Variants in TSEN2 observed in about 807,000 individuals in gnomAD.
The protein encoded by TSEN2 is tRNA splicing endonuclease subunit 2.
Under a neutral mutation model 59.2 loss-of-function variants are expected in TSEN2, and 54 were observed. The observed-to-expected ratio is 0.91, with a 90% CI of 0.73 to 1.14. The LOEUF is 1.14. Among genes scored for constraint, TSEN2 ranks in the 50% most tolerant of loss-of-function variants. TSEN2 has a pLI of 0.00. For synonymous variants in TSEN2, 195 were observed against 198.2 expected (o/e 0.98, Z 0.14); for missense variants, 636 against 576.2 (o/e 1.10, Z -1.06).
intron 6 of TSEN2, 95 bp from the exon 7 acceptor site, chr3:12,516,516 T>C: frequency 9.3e-7 from 1 of 1,070,848 alleles, no homozygotes. Flanking sequence ...TTAAGAGCAT[T>C]TGTATTTGAG....
rs551645881 is a variant in TSEN2, at chr3:12,519,933, C to G, written c.1099+736C>G. On this transcript the variant is annotated intron_variant, in intron 8 of 11. Coordinates refer to ENST00000284995, the MANE Select transcript of TSEN2 (RefSeq NM_025265.4). The stretch of plus-strand genomic sequence containing the variant: ...CACTTGCCATGTGCCAAGCATTTTA[C>G]TAAGTATTTTACATTCATCATCTTG... Among the ~76,000 whole-genome samples, 151 of 152,256 alleles carry G rather than the reference C, an allele frequency of 9.9e-4. 3 individuals are homozygous for G. In the South Asian group the frequency reaches 0.03, roughly 30 times the overall value.
rs1444425703 is a variant in TSEN2 at position 12,489,767 on chromosome 3, T to C, written c.-17-17T>C. 1 of 1,603,578 alleles carries C rather than the reference T, an allele frequency of 6.2e-7. No individual in the cohort carries two copies. Among genetic ancestry groups the C allele is most frequent in the Non-Finnish European group, 8.5e-7 (1 of 1,175,842 alleles). On this transcript the variant is annotated splice_polypyrimidine_tract_variant and intron_variant, in intron 1 of 11. Coordinates refer to ENST00000284995, the MANE Select transcript of TSEN2 (RefSeq NM_025265.4). ...TTGATTGTCTGTTTCTTTCTGTTTG[T>C]TGTCTACTCTTTAAAGAATACCTCC...
upstream of TSEN2, among the ~76,000 whole-genome samples, chr3:12,480,494 A>C (rs1285341290): frequency 1.4e-5 from 2 of 146,722 alleles, no homozygotes; most frequent in Non-Finnish European, 3.0e-5. Context: ...TTCAGTACTG[A>C]ATGTTGTGTG....
chr3:12,531,206 C>G (rs1334572828), intron 10 of TSEN2: 1 of 128,062 alleles, frequency 7.8e-6, no homozygotes, highest in Admixed American at 1.1e-4. Flanking sequence ...GTGGGAACTA[C>G]AAGATGAGAT....
chr3:12,531,800 C>G lies in TSEN2; in HGVS notation c.1338+141C>G. 5.9e-6 allele frequency: 4 copies of G among 679,468 alleles called. No individual in the cohort carries two copies. The South Asian group carries it at 6.5e-5, about 11-fold the overall frequency. The allele number at this position is 679,468 out of a possible 1,614,324, so 42.1% of individuals were successfully genotyped here. ...TTCTCAGGCAGGCTCTTAAGTCTCT[C>G]ACCTTTTCCCCATTGAACCCATTGG... On this transcript the variant is annotated intron_variant, in intron 11 of 11. Coordinates refer to ENST00000284995, the MANE Select transcript of TSEN2 (RefSeq NM_025265.4).
intron 8 of TSEN2, among the ~76,000 whole-genome samples, chr3:12,524,286 T>C (rs972529425): frequency 2.1e-4 from 32 of 152,202 alleles, no homozygotes; most frequent in African/African-American, 7.7e-4. Context: ...ACCTTTTAGT[T>C]TCCTAGGGCT....
At position 12,532,678 on chromosome 3, in the gene TSEN2, G is replaced by T; in HGVS notation, c.1355G>T (p.Arg452Leu). 1.2e-6 allele frequency: 2 copies of T among 1,614,088 alleles called. No individual in the cohort carries two copies. Among genetic ancestry groups the T allele is most frequent in the Non-Finnish European group, 1.7e-6 (2 of 1,180,012 alleles). ...RIKVQEVILS[R>L]WVSSRERSDQ... Reference sequence around the variant, plus strand: ...TGGTTGTAGGAGGTGATTCTGAGTCGATGGGTTTCTTCACGAGAGAGGAGT... The same window carrying T: ...TGGTTGTAGGAGGTGATTCTGAGTCTATGGGTTTCTTCACGAGAGAGGAGT... Residue 452 changes from arginine (R) to leucine (L), a missense_variant, in exon 12 of 12, where the codon CGA becomes CTA. Coordinates refer to ENST00000284995, the MANE Select transcript of TSEN2 (RefSeq NM_025265.4).
At chr3:12,502,771 AG>A (rs2054426715) in intron 4 of TSEN2, among the ~76,000 whole-genome samples, 1 of 151,256 alleles carries the variant, frequency 6.6e-6, no homozygotes, top group South Asian at 2.1e-4. Context: ...TGCTTGTTGC[AG>A]AACACTTAGA....
chr3:12,534,409 T>G (rs2057620985), downstream of TSEN2, among the ~76,000 whole-genome samples: 1 of 152,178 alleles, frequency 6.6e-6, no homozygotes, highest in African/African-American at 2.4e-5. Context: ...AAATCTCAGC[T>G]CTGCTTCCCT....
At chr3:12,508,501 A>G (rs2055076519) in intron 6 of TSEN2, among the ~76,000 whole-genome samples, 1 of 152,198 alleles carries the variant, frequency 6.6e-6, no homozygotes, top group Non-Finnish European at 1.5e-5. Flanking sequence ...TCAGGAACAC[A>G]GGCAGAATGG....
downstream of TSEN2, among the ~76,000 whole-genome samples, chr3:12,536,187 T>G (rs1365430825): frequency 6.6e-6 from 1 of 152,092 alleles, no homozygotes. Context: ...CAGAGGAGAT[T>G]GGGAGGAGAG....
At chr3:12,517,902 C>T (rs2125152244) in intron 7 of TSEN2, among the ~76,000 whole-genome samples, 1 of 151,006 alleles carries the variant, frequency 6.6e-6, no homozygotes, top group Middle Eastern at 3.4e-3. Flanking sequence ...GTCACAAGGT[C>T]ACACAGGTAT....
chr3:12,480,516 TTTTG>T (rs2052178709), upstream of TSEN2, among the ~76,000 whole-genome samples: 2 of 149,040 alleles, frequency 1.3e-5, no homozygotes, highest in Non-Finnish European at 1.5e-5. Context: ...TTTTTGTTTG[TTTTG>T]TTTCTTTGTT....
chr3:12,509,863 T>C (rs1417172176), intron 6 of TSEN2, among the ~76,000 whole-genome samples: 4 of 152,192 alleles, frequency 2.6e-5, no homozygotes, highest in East Asian at 1.9e-4. Flanking sequence ...TGCCTTTCCA[T>C]ATTGGCATGT....
chr3:12,521,115 A>G (rs2125178537), intron 8 of TSEN2, among the ~76,000 whole-genome samples: 1 of 152,314 alleles, frequency 6.6e-6, no homozygotes, highest in Non-Finnish European at 1.5e-5. Flanking sequence ...AAAAGACACG[A>G]TCTTGTCCAT....
intron 8 of TSEN2, 44 bp from the exon 9 acceptor site, chr3:12,528,841 CATT>C: frequency 6.2e-7 from 1 of 1,605,208 alleles, no homozygotes; most frequent in South Asian, 1.1e-5. Context: ...ACTCCTCTCT[CATT>C]ATTTTGAGTG....
chr3:12,532,011 GCTTCTGTATTGAACCAAGGCGC>G (rs936221684), intron 11 of TSEN2, among the ~76,000 whole-genome samples: 34 of 152,142 alleles, frequency 2.2e-4, no homozygotes, highest in African/African-American at 8.0e-4. Context: ...CTGCTTCTGG[GCTTCTGTATTGAACCAAGGCGC>G]CTCCTGTCAT....
chr3:12,514,401 A>G (rs998333092), intron 6 of TSEN2, among the ~76,000 whole-genome samples: 3 of 152,148 alleles, frequency 2.0e-5, no homozygotes, highest in African/African-American at 7.2e-5. Context: ...AGTTTTAATT[A>G]GGGGAACGAC....
intron 3 of TSEN2, among the ~76,000 whole-genome samples, chr3:12,492,991 A>G (rs1165287776): frequency 6.6e-6 from 1 of 152,160 alleles, no homozygotes; most frequent in Non-Finnish European, 1.5e-5. Flanking sequence ...CTATGAATTT[A>G]CCTATTATAG....
Sources: allele counts gnomAD v4.1 joint callset (sites outside exome capture counted in the v4.1 genomes callset), GRCh38; gene constraint gnomAD v4.1.1; transcripts MANE v1.5; gene names NCBI Gene and HGNC (gene_info 2026-07-23, HGNC 2026-07-21).